Variants in MAP3K5 observed in about 807,000 individuals in gnomAD.
The protein encoded by MAP3K5 is mitogen-activated protein kinase kinase kinase 5.
MAP3K5 carries 56 observed loss-of-function variants against 158.7 expected under a neutral mutation model. That is an observed-to-expected ratio of 0.35 (90% CI 0.28 to 0.44). The LOEUF (loss-of-function observed/expected upper bound fraction) is 0.44. MAP3K5 is among the 20% of genes least tolerant of loss of function. The probability of loss-of-function intolerance (pLI) is 1.00; values close to 1 mark genes in which losing one functional copy is unlikely to be tolerated. For synonymous variants in MAP3K5, 579 were observed against 601.7 expected (o/e 0.96, Z 0.55); for missense variants, 1,294 against 1,674.8 (o/e 0.77, Z 3.97).
At chr6:136,595,095 G>A (rs1775564163) in intron 21 of MAP3K5, among the ~76,000 whole-genome samples, 1 of 152,216 alleles carries the variant, frequency 6.6e-6, no homozygotes, top group Non-Finnish European at 1.5e-5. Context: ...TCTATGTGCA[G>A]AGCCCTGATT....
intron 12 of MAP3K5, 96 bp downstream of exon 12, chr6:136,642,424 C>T (rs9494548): frequency 0.086 from 75,485 of 873,604 alleles, 8,739 homozygotes; most frequent in African/African-American, 0.46. Flanking sequence ...CTTGACATTC[C>T]TTGTATTTTA....
At chr6:136,681,530 G>A (rs1425793176) in intron 7 of MAP3K5, among the ~76,000 whole-genome samples, 1 of 152,166 alleles carries the variant, frequency 6.6e-6, no homozygotes, top group East Asian at 1.9e-4. Context: ...ATACTTCAGA[G>A]GCCGAGGCAG....
intron 18 of MAP3K5, among the ~76,000 whole-genome samples, chr6:136,606,361 A>G (rs1776102060): frequency 6.6e-6 from 1 of 152,170 alleles, no homozygotes; most frequent in Non-Finnish European, 1.5e-5. Flanking sequence ...AAAAAAACAA[A>G]CAAACAAAAA....
chr6:136,608,244 G>C (rs1335099896), intron 18 of MAP3K5, among the ~76,000 whole-genome samples: 1 of 152,024 alleles, frequency 6.6e-6, no homozygotes, highest in African/African-American at 2.4e-5. Context: ...CCCACTATGA[G>C]GGTTCTGACA....
chr6:136,665,977 A>G (rs1010283564), intron 8 of MAP3K5, among the ~76,000 whole-genome samples: 2 of 152,218 alleles, frequency 1.3e-5, no homozygotes, highest in African/African-American at 2.4e-5. Flanking sequence ...TGGAGACTCA[A>G]ACCTCTAAGT....
chr6:136,561,578 G>A lies in MAP3K5; in HGVS notation c.3942C>T (p.Thr1314=), dbSNP rs371929460. The A allele has an allele frequency of 2.1e-5, 34 of 1,613,666 alleles. No homozygotes were observed. The highest frequency in any genetic ancestry group is 2.7e-5 in the Non-Finnish European group (32 of 1,179,778). ...CAGCTCCATTCACTCTCAGCCAGTC[G>A]GTAAGTTCAGAATCTTCAGTATTTG... The part of the protein sequence containing the change: ...SGTNTEDSEL[T]DWLRVNGADE... The change falls in exon 28 of 30, where the codon ACC becomes ACT. Residue 1314 remains threonine (T), a synonymous_variant. Transcript: ENST00000359015.
intron 1 of MAP3K5, among the ~76,000 whole-genome samples, chr6:136,721,056 G>A (rs956488163): frequency 5.9e-5 from 9 of 152,086 alleles, no homozygotes; most frequent in Non-Finnish European, 1.0e-4. Context: ...TGGGATTACA[G>A]GTGTGAGCCA....
intron 1 of MAP3K5, among the ~76,000 whole-genome samples, chr6:136,755,688 CCAAAA>C (rs1225596221): frequency 4.0e-5 from 2 of 49,552 alleles, no homozygotes; most frequent in Non-Finnish European, 1.2e-4. Flanking sequence ...GACTCTGTCT[CCAAAA>C]AAAAAAAAAA....
At chr6:136,589,622 A>G (rs1775295129) in intron 23 of MAP3K5, among the ~76,000 whole-genome samples, 1 of 152,156 alleles carries the variant, frequency 6.6e-6, no homozygotes, top group South Asian at 2.1e-4. Context: ...CTCAAAAGGG[A>G]TAATTAGGAC....
intron 1 of MAP3K5, among the ~76,000 whole-genome samples, chr6:136,733,636 C>G (rs1782322621): frequency 6.6e-6 from 1 of 150,644 alleles, no homozygotes; most frequent in African/African-American, 2.4e-5. Flanking sequence ...CAAAAAAAAC[C>G]TTTTTTTTTA....
chr6:136,639,914 G>A, intron 12 of MAP3K5, among the ~76,000 whole-genome samples: 1 of 152,188 alleles, frequency 6.6e-6, no homozygotes, highest in East Asian at 1.9e-4. Context: ...AACAGAGCAG[G>A]GAAAGGTGTC....
intron 1 of MAP3K5, among the ~76,000 whole-genome samples, chr6:136,752,331 C>T (rs925656616): frequency 6.6e-5 from 10 of 152,342 alleles, no homozygotes; most frequent in Middle Eastern, 6.8e-3. Context: ...ACAACACAGT[C>T]AGAGAGCCCA....
chr6:136,617,258 T>C lies in MAP3K5; in HGVS notation c.2151-2972A>G, dbSNP rs927245205. On this transcript the variant is annotated intron_variant, in intron 15 of 29. Coordinates refer to ENST00000359015, the MANE Select transcript of MAP3K5 (RefSeq NM_005923.4). Reference sequence around the variant, plus strand: ...TTTCACTAAGTGTAAGTGCCAAGCATTAAACAAGGATGGAATTATAATTTG... The same window carrying C: ...TTTCACTAAGTGTAAGTGCCAAGCACTAAACAAGGATGGAATTATAATTTG... Among the ~76,000 whole-genome samples, 14 of 152,238 alleles carry C rather than the reference T, an allele frequency of 9.2e-5. No homozygotes were observed. The East Asian group carries it at 2.5e-3, about 27-fold the overall frequency.
intron 1 of MAP3K5, among the ~76,000 whole-genome samples, chr6:136,745,600 A>C (rs1267292413): frequency 6.6e-6 from 1 of 152,126 alleles, no homozygotes; most frequent in Non-Finnish European, 1.5e-5. Context: ...GAACATCACA[A>C]GACCCTGTTC....
At chr6:136,594,917 G>A (rs1775556587) in intron 21 of MAP3K5, among the ~76,000 whole-genome samples, 1 of 152,136 alleles carries the variant, frequency 6.6e-6, no homozygotes. Context: ...TGATTATCCA[G>A]TAATGAGAGG....
chr6:136,619,732 C>A (rs1295252518), intron 15 of MAP3K5, among the ~76,000 whole-genome samples: 3 of 152,162 alleles, frequency 2.0e-5, no homozygotes, highest in Non-Finnish European at 4.4e-5. Context: ...GGAGTCCCAG[C>A]GACAGGCCTG....
chr6:136,633,720 T>A (rs1187025915), intron 14 of MAP3K5, among the ~76,000 whole-genome samples: 3 of 152,194 alleles, frequency 2.0e-5, no homozygotes, highest in African/African-American at 7.2e-5. Flanking sequence ...TTCTAAGAAG[T>A]CTTTCAAATT....
intron 18 of MAP3K5, among the ~76,000 whole-genome samples, 175 bp downstream of exon 18, chr6:136,611,107 C>CAAAAA (rs59508317): frequency 2.8e-3 from 69 of 24,372 alleles, no homozygotes; most frequent in African/African-American, 4.0e-3. Context: ...GACCCTGTCT[C>CAAAAA]AAAAAAAAAA....
chr6:136,680,431 A>G (rs571511403), intron 7 of MAP3K5, among the ~76,000 whole-genome samples: 16 of 152,286 alleles, frequency 1.1e-4, no homozygotes, highest in Non-Finnish European at 1.9e-4. Context: ...CTATTTTTGG[A>G]TATTTAGATT....
Sources: allele counts gnomAD v4.1 joint callset (sites outside exome capture counted in the v4.1 genomes callset), GRCh38; gene constraint gnomAD v4.1.1; transcripts MANE v1.5; gene names NCBI Gene and HGNC (gene_info 2026-07-23, HGNC 2026-07-21).